The following ARID1B variants were observed in gnomAD, a reference collection of about 807,000 sequenced individuals.
ARID1B encodes the protein AT-rich interaction domain 1B.
In ARID1B, 30 loss-of-function variants were observed where a neutral mutation model predicts 212.3. The observed-to-expected ratio is 0.14, with a 90% CI of 0.11 to 0.19. The LOEUF (loss-of-function observed/expected upper bound fraction) is 0.19, where lower values mean the gene tolerates loss of function less well. Among genes scored for constraint, ARID1B ranks in the 10% least tolerant of loss-of-function variants. The pLI is 1.00. For missense variants in ARID1B, 2,891 were observed against 3,204.0 expected (o/e 0.90, Z 2.36); for synonymous variants, 1,402 against 1,301.7 (o/e 1.08, Z -1.66).
intron 4 of ARID1B, 135 bp from the exon 5 acceptor site, chr6:157,084,527 C>T: frequency 1.8e-6 from 2 of 1,112,098 alleles, no homozygotes; most frequent in Non-Finnish European, 2.5e-6. Context: ...AAAAAGTGGC[C>T]ATGCTTTTTT....
chr6:157,207,273 C>T lies in ARID1B; in HGVS notation c.6501C>T (p.Ile2167=). 6.2e-7 allele frequency: 1 copy of T among 1,614,166 alleles called. No individual in the cohort carries two copies. The highest frequency in any genetic ancestry group is 2.2e-5 in the East Asian group (1 of 44,884). ...ACTTGTCTGCTTACACGGAAAGCAT[C>T]TGCTTGCCAATTTTGGATGGCTTGC... is the stretch of plus-strand genomic sequence containing the variant. ...QLDLSAYTES[I]CLPILDGLLH... Residue 2167 remains isoleucine, a synonymous_variant, in exon 20 of 20, where the codon ATC becomes ATT. Transcript: ENST00000636930. The surrounding 1 kb of genome is among the most constrained non-coding windows in gnomAD (Gnocchi z 8.5).
chr6:157,050,865 A>G (rs533052555), intron 4 of ARID1B, among the ~76,000 whole-genome samples: 3 of 152,342 alleles, frequency 2.0e-5, no homozygotes, highest in African/African-American at 7.2e-5. Flanking sequence ...TGTGTTACAC[A>G]TTAAATATTT....
At chr6:157,022,107 C>G (rs2128477045) in intron 4 of ARID1B, among the ~76,000 whole-genome samples, 1 of 152,144 alleles carries the variant, frequency 6.6e-6, no homozygotes, top group African/African-American at 2.4e-5. Flanking sequence ...GCCAGCAGGG[C>G]CGCGGAGCCC....
At chr6:157,070,970 C>G (rs1783973854) in intron 4 of ARID1B, among the ~76,000 whole-genome samples, 1 of 152,272 alleles carries the variant, frequency 6.6e-6, no homozygotes, top group South Asian at 2.1e-4. Context: ...AGAAATCCTG[C>G]CGAGCCCTGG....
Position 157,201,567 on chromosome 6 carries a change from C to A in ARID1B, c.5263+79C>A. On this transcript the variant is annotated intron_variant, in intron 18 of 19. Coordinates refer to ENST00000636930, the MANE Select transcript of ARID1B (RefSeq NM_001374828.1). The surrounding 1 kb of genome is among the most constrained non-coding windows in gnomAD (Gnocchi z 5.2). ...TTTAATTTTAGTAAAGATGCTGTTC[C>A]TGCTCATCTTAAAGGGATGAAAAAA... The A allele has an allele frequency of 7.0e-7, 1 of 1,430,508 alleles. No homozygotes were observed. The highest frequency in any genetic ancestry group is 9.3e-7 in the Non-Finnish European group (1 of 1,077,036). 88.6% of individuals were successfully genotyped at this position (1,430,508 alleles called of 1,614,324 possible).
At chr6:156,832,414 T>G (rs1783203283) in intron 2 of ARID1B, among the ~76,000 whole-genome samples, 1 of 152,220 alleles carries the variant, frequency 6.6e-6, no homozygotes, top group Non-Finnish European at 1.5e-5. Context: ...ATTATGACAT[T>G]GAGTATTTAT....
intron 4 of ARID1B, among the ~76,000 whole-genome samples, chr6:157,029,794 C>T (rs1050383613): frequency 8.5e-5 from 13 of 152,092 alleles, no homozygotes; most frequent in Admixed American, 5.2e-4. Flanking sequence ...GCAAGGCAGG[C>T]GGGAGCCACG....
In ARID1B at chr6:157,208,715, CTTTTTT is replaced by C. The variant is rs878880822; in HGVS notation, c.*837_*842del. ...AAACATACCCTCATTTTTTTCTTTTCTTTTTTTTTTTTTTTTTTAGTACAAAGTTTT... is the reference window on the plus strand; with the variant it reads ...AAACATACCCTCATTTTTTTCTTTTCTTTTTTTTTTTTAGTACAAAGTTTT... On this transcript the variant is annotated 3_prime_UTR_variant, in exon 20 of 20. Coordinates refer to ENST00000636930, the MANE Select transcript of ARID1B (RefSeq NM_001374828.1). 4.7e-5 allele frequency: 7 copies of C among 150,414 alleles called. No homozygotes were observed. The highest frequency in any genetic ancestry group is 8.4e-5 in the East Asian group (1 of 11,910). The allele number at this position is 150,414 out of a possible 1,614,324, so 9.3% of individuals were successfully genotyped here.
intron 1 of ARID1B, among the ~76,000 whole-genome samples, chr6:156,787,636 C>T (rs1216715389): frequency 9.7e-6 from 1 of 103,496 alleles, no homozygotes; most frequent in Non-Finnish European, 2.1e-5. Context: ...TTCACTCTAA[C>T]TAATGAATTA....
intron 4 of ARID1B, chr6:156,941,319 A>G (rs942532700): frequency 2.6e-5 from 4 of 152,236 alleles, no homozygotes; most frequent in Non-Finnish European, 4.4e-5. Context: ...AGCTACAGGC[A>G]TACCTTATCA....
At chr6:157,035,643 T>C (rs1186255912) in intron 4 of ARID1B, among the ~76,000 whole-genome samples, 4 of 152,260 alleles carry the variant, frequency 2.6e-5, no homozygotes, top group African/African-American at 9.6e-5. Context: ...TTTCAGTCTT[T>C]AGCCTAAAAT....
chr6:157,177,715 A>C (rs142614810), intron 11 of ARID1B, among the ~76,000 whole-genome samples: 1 of 152,358 alleles, frequency 6.6e-6, no homozygotes, highest in East Asian at 1.9e-4. Context: ...TGGCACCATA[A>C]TAATGTCTTG....
At chr6:157,173,775 C>T (rs1791887371) in intron 9 of ARID1B, 1 of 425,678 alleles carries the variant, frequency 2.3e-6, no homozygotes, top group Non-Finnish European at 4.2e-6. Flanking sequence ...AGGTTTGGGT[C>T]TTAAGCACAC....
At chr6:156,930,892 A>T (rs1024140500) in intron 3 of ARID1B, among the ~76,000 whole-genome samples, 1 of 152,146 alleles carries the variant, frequency 6.6e-6, no homozygotes, top group African/African-American at 2.4e-5. Flanking sequence ...AAAGGTAAAT[A>T]AAAAAATCCA....
intron 2 of ARID1B, among the ~76,000 whole-genome samples, chr6:156,877,615 A>G (rs1786665105): frequency 6.6e-6 from 1 of 152,280 alleles, no homozygotes; most frequent in East Asian, 1.9e-4. Flanking sequence ...TAAGGTCTCA[A>G]TGAATGCTAA....
At chr6:156,922,327 C>T (rs530272675) in intron 3 of ARID1B, among the ~76,000 whole-genome samples, 13 of 152,138 alleles carry the variant, frequency 8.5e-5, no homozygotes, top group African/African-American at 2.7e-4. Flanking sequence ...TGCATGCCAC[C>T]GTGCCCAGCT....
intron 8 of ARID1B, among the ~76,000 whole-genome samples, chr6:157,153,869 G>A (rs916021942): frequency 2.0e-5 from 3 of 152,094 alleles, no homozygotes; most frequent in South Asian, 2.1e-4. Context: ...TGAACTCCTA[G>A]CCTCAAGCAA....
chr6:156,953,593 A>G (rs528970281), intron 4 of ARID1B, among the ~76,000 whole-genome samples: 45 of 152,230 alleles, frequency 3.0e-4, no homozygotes, highest in African/African-American at 1.1e-3. Flanking sequence ...GACTAATGTA[A>G]GTCTTCCCCC....
chr6:156,950,197 G>C (rs968428665), intron 4 of ARID1B, among the ~76,000 whole-genome samples: 23 of 152,308 alleles, frequency 1.5e-4, no homozygotes, highest in Admixed American at 1.5e-3. Context: ...TCACCTAAAA[G>C]AAGGCAAAAG....
Sources: allele counts gnomAD v4.1 joint callset (sites outside exome capture counted in the v4.1 genomes callset), GRCh38; gene constraint gnomAD v4.1.1; non-coding constraint Gnocchi (gnomAD v3.1); transcripts MANE v1.5; gene names NCBI Gene and HGNC (gene_info 2026-07-23, HGNC 2026-07-21).